Variants in COL4A2 observed in about 807,000 individuals in gnomAD.
COL4A2 encodes the protein collagen type IV alpha 2 chain.
COL4A2 carries 99 observed loss-of-function variants against 200.2 expected under a neutral mutation model. The ratio of observed to expected loss-of-function variants is 0.49; its 90% CI spans 0.42 to 0.58. The LOEUF (loss-of-function observed/expected upper bound fraction) is 0.58. Ranked by LOEUF, COL4A2 falls within the 20% of genes least tolerant of loss-of-function variation. The probability of loss-of-function intolerance (pLI) is 0.00; values close to 1 mark genes in which losing one functional copy is unlikely to be tolerated. For synonymous variants in COL4A2, 897 were observed against 900.6 expected, an observed-to-expected ratio of 1.00 and a Z score of 0.07; for missense variants, 1,950 against 2,314.1, an observed-to-expected ratio of 0.84 and a Z score of 3.23.
At chr13:110,372,014 T>G (rs895882579) in intron 4 of COL4A2, among the ~76,000 whole-genome samples, 1 of 150,696 alleles carries the variant, frequency 6.6e-6, no homozygotes, top group Admixed American at 6.6e-5. Flanking sequence ...GCTGGGAGAT[T>G]CCGCTCACCT....
Position 110,422,889 on chromosome 13 carries a change from C to T in COL4A2, c.181-1845C>T, listed in dbSNP as rs1322665779. 3.9e-5 allele frequency among the ~76,000 whole-genome samples: 6 copies of T among 152,180 alleles called. No homozygotes were observed. In the East Asian group the frequency reaches 7.7e-4, roughly 20 times the overall value. ...GACATTAACACTGTACCCTGGGCTG[C>T]GTTTTTAAATTCCCATTTCACTTCA... On this transcript the variant is annotated intron_variant, in intron 4 of 47. Transcript: ENST00000360467.
intron 4 of COL4A2, among the ~76,000 whole-genome samples, chr13:110,361,310 A>G (rs1877502176): frequency 6.6e-6 from 1 of 152,214 alleles, no homozygotes. Context: ...ATTTTTTTAA[A>G]GTAAGATAAT....
At chr13:110,470,470 A>G (rs546372097) in intron 28 of COL4A2, among the ~76,000 whole-genome samples, 16 of 152,080 alleles carry the variant, frequency 1.1e-4, no homozygotes, top group Non-Finnish European at 2.2e-4. Flanking sequence ...CTTCCTCATA[A>G]CCACACACCC....
intron 4 of COL4A2, among the ~76,000 whole-genome samples, chr13:110,376,722 A>C (rs1397927701): frequency 6.6e-6 from 1 of 152,010 alleles, no homozygotes; most frequent in Non-Finnish European, 1.5e-5. Flanking sequence ...CAGTTGCCTC[A>C]AGCTCCCCAG....
intron 8 of COL4A2, 62 bp downstream of exon 8, chr13:110,430,018 A>G: frequency 6.8e-7 from 1 of 1,465,904 alleles, no homozygotes; most frequent in Non-Finnish European, 9.1e-7. Context: ...CAACTAACAA[A>G]GTTAATTGCC....
intron 3 of COL4A2, among the ~76,000 whole-genome samples, chr13:110,341,198 C>T (rs762007962): frequency 2.6e-5 from 4 of 152,234 alleles, no homozygotes; most frequent in Non-Finnish European, 5.9e-5. Flanking sequence ...CACATCCAAG[C>T]GCGTGGCGTC....
At chr13:110,341,555 T>A (rs947479686) in intron 3 of COL4A2, among the ~76,000 whole-genome samples, 12 of 152,238 alleles carry the variant, frequency 7.9e-5, no homozygotes, top group Non-Finnish European at 1.6e-4. Flanking sequence ...GAGGACGTTT[T>A]CTGGGGAATG....
Position 110,508,303 on chromosome 13 carries a change from T to G in COL4A2, c.4881+82T>G. 2 of 1,571,186 alleles carry G rather than the reference T, an allele frequency of 1.3e-6. No individual in the cohort carries two copies. The highest frequency in any genetic ancestry group is 2.4e-5 in the South Asian group (2 of 83,132). On this transcript the variant is annotated intron_variant, in intron 47 of 47. Transcript: ENST00000360467. The surrounding 1 kb of genome is among the most constrained non-coding windows in gnomAD (Gnocchi z 6.1). ...AGAACAGCTGCCTTTGTGAGAAGAA[T>G]CAGACACGGCAGTCCAGGGTGTGCA...
At chr13:110,489,607 A>T in intron 35 of COL4A2, 99 bp downstream of exon 35, 1 of 1,592,134 alleles carries the variant, frequency 6.3e-7, no homozygotes, top group South Asian at 1.1e-5. Context: ...TAGGTATTTT[A>T]AAACAAATTA....
rs528719797 is a variant in COL4A2 at position 110,386,185 on chromosome 13, G to C, written c.180+28633G>C. Among the ~76,000 whole-genome samples the C allele has an allele frequency of 2.6e-5, 4 of 152,350 alleles. No homozygotes were observed. The East Asian group carries it at 7.7e-4, about 29-fold the overall frequency. ...AGACCGTGGTTACATTGTGTGACTA[G>C]ATTGTCGTTGCAGTTGCGGATACAC... On this transcript the variant is annotated intron_variant, in intron 4 of 47. Transcript: ENST00000360467.
At chr13:110,319,278 C>A (rs1406756693) in intron 3 of COL4A2, among the ~76,000 whole-genome samples, 1 of 152,046 alleles carries the variant, frequency 6.6e-6, no homozygotes, top group African/African-American at 2.4e-5. Context: ...GGAAATGTCA[C>A]CCAAAGGAAA....
chr13:110,496,822 G>A (rs1430521665), intron 40 of COL4A2, among the ~76,000 whole-genome samples: 2 of 149,698 alleles, frequency 1.3e-5, no homozygotes, highest in Admixed American at 6.6e-5. Context: ...AGGATCTAAG[G>A]TCAGTCCACC....
At chr13:110,481,954 G>A (rs1395742047) in intron 31 of COL4A2, among the ~76,000 whole-genome samples, 1 of 147,562 alleles carries the variant, frequency 6.8e-6, no homozygotes, top group Admixed American at 6.7e-5. Flanking sequence ...CCTCCGTGCT[G>A]GAGACACACT....
At chr13:110,480,984 G>C (rs544829134) in intron 31 of COL4A2, among the ~76,000 whole-genome samples, 209 of 134,886 alleles carry the variant, frequency 1.5e-3, no homozygotes, top group Middle Eastern at 7.1e-3. Context: ...ACACAGTTCT[G>C]TCCTTCCATT....
intron 10 of COL4A2, 33 bp from the exon 11 acceptor site, chr13:110,432,292 A>G: frequency 6.3e-7 from 1 of 1,591,626 alleles, no homozygotes; most frequent in Admixed American, 1.8e-5. Flanking sequence ...GGGGTAAAGA[A>G]AACCATTTAC....
Position 110,491,275 on chromosome 13 carries a change from T to C in COL4A2, c.3389T>C (p.Ile1130Thr), listed in dbSNP as rs765545175. ...GGAGAGAAGGGAACAGAAGGTGACA[T>C]CGGCTTCCCTGGGATAACAGGCGTG... Reference protein sequence around the residue: ...FFGEKGTEGDIGFPGITGVTG... With the variant: ...FFGEKGTEGDTGFPGITGVTG... The change falls in exon 37 of 48, where the codon ATC (isoleucine) becomes ACC (threonine). Residue 1130 changes from isoleucine to threonine, a missense_variant. Transcript: ENST00000360467. The C allele has an allele frequency of 2.5e-6, 4 of 1,601,360 alleles. No homozygotes were observed. Among genetic ancestry groups the C allele is most frequent in the Middle Eastern group, 1.7e-4 (1 of 6,052 alleles).
rs1167065490 is a variant in COL4A2, at chr13:110,307,376, G to A, written c.-197G>A. 4.2e-6 allele frequency: 1 copy of A among 236,736 alleles called. No homozygotes were observed. Among genetic ancestry groups the A allele is most frequent in the Non-Finnish European group, 8.1e-6 (1 of 123,876 alleles). The allele number at this position is 236,736 out of a possible 1,614,324, so 14.7% of individuals were successfully genotyped here. ...AACCCCTCGCGCCCGCGCGTTCGCG[G>A]ATCCAGGCCGAGGACCGAAAGGGGC... is the stretch of plus-strand genomic sequence containing the variant. On this transcript the variant is annotated 5_prime_UTR_variant, in exon 1 of 48. Coordinates refer to ENST00000360467, the MANE Select transcript of COL4A2 (RefSeq NM_001846.4). This position sits in a 1 kb window ranked among gnomAD's most constrained non-coding sequence, Gnocchi z 5.0.
At chr13:110,349,861 T>A (rs958096232) in intron 3 of COL4A2, among the ~76,000 whole-genome samples, 6 of 152,172 alleles carry the variant, frequency 3.9e-5, no homozygotes, top group Non-Finnish European at 2.9e-5. Flanking sequence ...CTTCTCGGGT[T>A]GAAGTGATTC....
chr13:110,349,753 A>G (rs1356046863), intron 3 of COL4A2, among the ~76,000 whole-genome samples: 1 of 151,534 alleles, frequency 6.6e-6, no homozygotes, highest in African/African-American at 2.4e-5. Flanking sequence ...AAACAGATGG[A>G]TTTTCATATC....
Sources: allele counts gnomAD v4.1 joint callset (sites outside exome capture counted in the v4.1 genomes callset), GRCh38; gene constraint gnomAD v4.1.1; non-coding constraint Gnocchi (gnomAD v3.1); transcripts MANE v1.5; gene names NCBI Gene and HGNC (gene_info 2026-07-23, HGNC 2026-07-21).